FES: variants seen among roughly 807,000 people sequenced by gnomAD.
FES encodes FES proto-oncogene, tyrosine kinase.
In FES, 83 loss-of-function variants were observed where a neutral mutation model predicts 109.6. That is an observed-to-expected ratio of 0.76 (90% CI 0.63 to 0.91). FES has a LOEUF of 0.91. Among genes scored for constraint, FES ranks in the 40% least tolerant of loss-of-function variants. FES has a pLI of 0.00. For missense variants in FES, 943 were observed against 1,070.9 expected (o/e 0.88, Z 1.67); for synonymous variants, 458 against 442.1 (o/e 1.04, Z -0.45).
At position 90,890,166 on chromosome 15, in the gene FES, C is replaced by A; in HGVS notation, c.1124C>A (p.Ala375Asp). The A allele has an allele frequency of 1.3e-6, 2 of 1,599,510 alleles. No homozygotes were observed. Among genetic ancestry groups the A allele is most frequent in the South Asian group, 1.1e-5 (1 of 90,330 alleles). ...QGLQVALCSQ[A>D]KLQAQQELLQ... Reference sequence around the variant, plus strand: ...CTGCAGGTAGCGCTGTGCAGCCAGGCCAAGCTGCAGGCCCAGCAGGAGTTG... The same window carrying A: ...CTGCAGGTAGCGCTGTGCAGCCAGGACAAGCTGCAGGCCCAGCAGGAGTTG... Residue 375 changes from alanine (A) to aspartate (D), a missense_variant, in exon 9 of 19, where the codon GCC becomes GAC. Transcript: ENST00000328850.
chr15:90,893,504 GGCATCA>G, intron 16 of FES, 90 bp downstream of exon 16: 1 of 1,497,848 alleles, frequency 6.7e-7, no homozygotes, highest in Non-Finnish European at 8.9e-7. Context: ...TGGACCATCA[GGCATCA>G]GCTCCAGAGG....
chr15:90,893,140 A>G lies in FES; in HGVS notation c.1867A>G (p.Ile623Val), dbSNP rs1466831873. The G allele has an allele frequency of 4.3e-6, 7 of 1,613,626 alleles. No homozygotes were observed. The highest frequency in any genetic ancestry group is 3.4e-6 in the Non-Finnish European group (4 of 1,179,640). Residue 623 changes from isoleucine to valine, a missense_variant, in exon 15 of 19, where the codon ATT becomes GTT. By Grantham distance (29) the Ile-to-Val change is conservative (BLOSUM62 3). Transcript: ENST00000328850. ...CAGCCACCCCAACATCGTGCGTCTC[A>G]TTGGTGTCTGCACCCAGAAGCAGCC... ...QYSHPNIVRL[I>V]GVCTQKQPIY...
At chr15:90,891,854 C>T (rs975726240) in intron 12 of FES, among the ~76,000 whole-genome samples, 178 bp downstream of exon 12, 1 of 152,244 alleles carries the variant, frequency 6.6e-6, no homozygotes, top group African/African-American at 2.4e-5. Flanking sequence ...AGGGCCACTC[C>T]TATGCCATGG....
At chr15:90,895,318 A>T in intron 18 of FES, 98 bp from the exon 19 acceptor site, 1 of 1,100,312 alleles carries the variant, frequency 9.1e-7, no homozygotes, top group Non-Finnish European at 1.2e-6. Flanking sequence ...AGAACAGTGC[A>T]TCTTAAGCAG....
At chr15:90,893,891 G>A in intron 17 of FES, 45 bp from the exon 18 acceptor site, 1 of 1,611,802 alleles carries the variant, frequency 6.2e-7, no homozygotes, top group South Asian at 1.1e-5. Flanking sequence ...CCTGGCCCCA[G>A]GGAGGGTGCA....
intron 16 of FES, 66 bp downstream of exon 16, chr15:90,893,480 C>G (rs1230289340): frequency 1.3e-6 from 2 of 1,506,392 alleles, no homozygotes; most frequent in South Asian, 1.3e-5. Context: ...ACCTATACCC[C>G]TAGGGCCCCC....
rs926760412 is a variant in FES at position 90,892,372 on chromosome 15, G to A, written c.1707+261G>A. On this transcript the variant is annotated intron_variant, in intron 13 of 18. Coordinates refer to ENST00000328850, the MANE Select transcript of FES (RefSeq NM_002005.4). ...GCCCCCATCGAGCTCTTGTGTGCACGCAGGGAGACACCCTGTTACTGTAAG... is the reference window on the plus strand; with the variant it reads ...GCCCCCATCGAGCTCTTGTGTGCACACAGGGAGACACCCTGTTACTGTAAG... The A allele has an allele frequency of 2.4e-5, 14 of 590,836 alleles. 1 individual carries two copies. The South Asian group carries it at 2.5e-4, about 10-fold the overall frequency. 36.6% of individuals were successfully genotyped at this position (590,836 alleles called of 1,614,324 possible). A position where few individuals can be genotyped will look rare whatever the true frequency, so the allele number is the denominator to read the frequency against.
chr15:90,890,561 C>T (rs2033118474), intron 10 of FES, 77 bp downstream of exon 10: 8 of 1,307,334 alleles, frequency 6.1e-6, no homozygotes, highest in South Asian at 2.5e-5. Context: ...AGAGGAGGCT[C>T]TGCCCAGGCT....
intron 10 of FES, 26 bp downstream of exon 10, chr15:90,890,510 C>G (rs760090969): frequency 3.1e-6 from 5 of 1,598,500 alleles, no homozygotes; most frequent in Admixed American, 1.7e-5. Flanking sequence ...CCTGGGCCCC[C>G]CTACTGTTGT....
chr15:90,890,337 T>A, intron 9 of FES, 59 bp downstream of exon 9: 1 of 1,593,440 alleles, frequency 6.3e-7, no homozygotes. Flanking sequence ...GGGGCTGCGC[T>A]CCTCATTTTC....
At position 90,890,267 on chromosome 15, in the gene FES, ACGT is replaced by A. The variant is rs775632187; in HGVS notation, c.1230_1232del (p.Ser412del). On this transcript the variant is annotated inframe_deletion, in exon 9 of 19. Coordinates refer to ENST00000328850, the MANE Select transcript of FES (RefSeq NM_002005.4). Reference sequence around the variant, plus strand: ...GCTCCTGCAGGATGACCGCCACTCCACGTCGTCCTCGGTGAGCTGCCCCATCCG... The same window carrying A: ...GCTCCTGCAGGATGACCGCCACTCCACGTCCTCGGTGAGCTGCCCCATCCG... The A allele has an allele frequency of 6.3e-7, 1 of 1,591,828 alleles. No homozygotes were observed. Among genetic ancestry groups the A allele is most frequent in the South Asian group, 1.1e-5 (1 of 90,664 alleles).
chr15:90,884,869 C>G, intron 1 of FES, 168 bp from the exon 2 acceptor site: 7 of 638,354 alleles, frequency 1.1e-5, no homozygotes, highest in Non-Finnish European at 1.4e-5. Context: ...GGCCAGTCCC[C>G]AGGCCAGGCT....
intron 5 of FES, among the ~76,000 whole-genome samples, chr15:90,888,464 A>T (rs540557350): frequency 6.6e-6 from 1 of 152,334 alleles, no homozygotes; most frequent in African/African-American, 2.4e-5. Context: ...GACTTCAGGG[A>T]GCAAGGACAG....
At chr15:90,892,140 C>G in intron 13 of FES, 29 bp downstream of exon 13, 1 of 1,613,552 alleles carries the variant, frequency 6.2e-7, no homozygotes, top group Non-Finnish European at 8.5e-7. Flanking sequence ...GCCTCCTTGT[C>G]GCTGGCGACT....
rs1370789016 is a variant in FES at position 90,895,657 on chromosome 15, C to G, written c.*99C>G. Reference sequence around the variant, plus strand: ...GCTGACAGCTCTTCACAGTCCTGGACTCCTGCCACCAGCATCCACACTGCC... The same window carrying G: ...GCTGACAGCTCTTCACAGTCCTGGAGTCCTGCCACCAGCATCCACACTGCC... On this transcript the variant is annotated 3_prime_UTR_variant, in exon 19 of 19. Coordinates refer to ENST00000328850, the MANE Select transcript of FES (RefSeq NM_002005.4). 13 of 1,115,394 alleles carry G rather than the reference C, an allele frequency of 1.2e-5. 1 individual carries two copies. Among genetic ancestry groups the G allele is most frequent in the Non-Finnish European group, 1.6e-5 (13 of 822,700 alleles). The allele number at this position is 1,115,394 out of a possible 1,614,324, so 69.1% of individuals were successfully genotyped here. A position where few individuals can be genotyped will look rare whatever the true frequency, so the allele number is the denominator to read the frequency against.
Position 90,895,499 on chromosome 15 carries a change from C to T in FES, c.2410C>T (p.Arg804Trp), listed in dbSNP as rs891534086. ...EQCWAYEPGQ[R>W]PSFSTIYQEL... Reference sequence around the variant, plus strand: ...GTGCTGGGCCTATGAGCCTGGGCAGCGGCCCAGCTTCAGCACCATCTACCA... The same window carrying T: ...GTGCTGGGCCTATGAGCCTGGGCAGTGGCCCAGCTTCAGCACCATCTACCA... Residue 804 changes from arginine (R) to tryptophan (W), a missense_variant, in exon 19 of 19, where the codon CGG (arginine) becomes TGG (tryptophan). Physicochemically the swap from Arg to Trp is moderately radical, Grantham distance 101. Transcript: ENST00000328850. 5.6e-6 allele frequency: 9 copies of T among 1,597,652 alleles called. No homozygotes were observed. The highest frequency in any genetic ancestry group is 2.3e-5 in the South Asian group (2 of 88,822).
In FES at chr15:90,893,769, C is replaced by A; in HGVS notation, c.2161C>A (p.Gln721Lys). ...GVYAASGGLR[Q>K]VPVKWTAPEA... ...CTATGCAGCCTCAGGGGGCCTCAGA[C>A]AAGTCCCCGTGAAGTGGACCGCACC... The change falls in exon 17 of 19, where the codon CAA becomes AAA. Residue 721 changes from glutamine to lysine, a missense_variant. Physicochemically the swap from Gln to Lys is moderately conservative, Grantham distance 53. Transcript: ENST00000328850. 1 of 1,606,998 alleles carries A rather than the reference C, an allele frequency of 6.2e-7. No individual in the cohort carries two copies. Among genetic ancestry groups the A allele is most frequent in the Non-Finnish European group, 8.5e-7 (1 of 1,176,316 alleles).
intron 10 of FES, 174 bp downstream of exon 10, chr15:90,890,658 C>T (rs757010190): frequency 2.5e-4 from 162 of 653,586 alleles, no homozygotes; most frequent in Non-Finnish European, 3.2e-4. Context: ...CCCTTTCCAT[C>T]GCCCCAGTGT....
rs189507081 is a variant in FES, at chr15:90,891,779, C to T, written c.1653+103C>T. 4.2e-5 allele frequency: 63 copies of T among 1,497,820 alleles called. No homozygotes were observed. The Admixed American group carries it at 4.8e-4, about 11-fold the overall frequency. The allele number at this position is 1,497,820 out of a possible 1,614,324, so 92.8% of individuals were successfully genotyped here. On this transcript the variant is annotated intron_variant, in intron 12 of 18. Transcript: ENST00000328850. ...AGCAGAAAGGGCTTTCCAGGCCCTCCGTCTACATACAAGATGCAGAGTGAG... is the reference window on the plus strand; with the variant it reads ...AGCAGAAAGGGCTTTCCAGGCCCTCTGTCTACATACAAGATGCAGAGTGAG...
Sources: allele counts gnomAD v4.1 joint callset (sites outside exome capture counted in the v4.1 genomes callset), GRCh38; gene constraint gnomAD v4.1.1; transcripts MANE v1.5; gene names NCBI Gene and HGNC (gene_info 2026-07-23, HGNC 2026-07-21).